The following GRIK1 variants were observed in gnomAD, a reference collection of about 807,000 sequenced individuals.
GRIK1 encodes glutamate ionotropic receptor kainate type subunit 1.
Under a neutral mutation model 105.7 loss-of-function variants are expected in GRIK1, and 69 were observed. The ratio of observed to expected loss-of-function variants is 0.65; its 90% CI spans 0.54 to 0.80. The LOEUF (loss-of-function observed/expected upper bound fraction) is 0.80. Among genes scored for constraint, GRIK1 ranks in the 30% least tolerant of loss-of-function variants. The probability of loss-of-function intolerance (pLI) is 0.00; values close to 1 mark genes in which losing one functional copy is unlikely to be tolerated. For missense variants in GRIK1, 1,109 were observed against 1,167.3 expected (o/e 0.95, Z 0.73); for synonymous variants, 438 against 431.3 (o/e 1.02, Z -0.19).
chr21:29,721,153 C>A (rs1406937117), intron 1 of GRIK1, among the ~76,000 whole-genome samples: 1 of 151,630 alleles, frequency 6.6e-6, no homozygotes, highest in African/African-American at 2.4e-5. Flanking sequence ...TTATTGAGCA[C>A]TCACTTTTCT....
chr21:29,583,797 A>T (rs957745924), intron 12 of GRIK1, among the ~76,000 whole-genome samples: 1 of 152,196 alleles, frequency 6.6e-6, no homozygotes, highest in Admixed American at 6.5e-5. Context: ...TTTATAAGGC[A>T]ATAGACCTAC....
At chr21:29,845,522 A>G (rs1482543474) in intron 1 of GRIK1, among the ~76,000 whole-genome samples, 2 of 152,038 alleles carry the variant, frequency 1.3e-5, no homozygotes, top group Non-Finnish European at 2.9e-5. Flanking sequence ...TTTGTTAATT[A>G]TATTAACTCC....
chr21:29,730,516 G>A (rs957994681), intron 1 of GRIK1, among the ~76,000 whole-genome samples: 1 of 152,152 alleles, frequency 6.6e-6, no homozygotes, highest in African/African-American at 2.4e-5. Context: ...TCAAATAGCC[G>A]ATTACATCAA....
intron 1 of GRIK1, among the ~76,000 whole-genome samples, chr21:29,733,682 G>C (rs57897386): frequency 6.6e-6 from 1 of 151,956 alleles, no homozygotes; most frequent in African/African-American, 2.4e-5. Context: ...AAGTGATGAA[G>C]AAAATGTTTC....
At chr21:29,674,999 G>C (rs370687501) in intron 3 of GRIK1, among the ~76,000 whole-genome samples, 38 of 152,268 alleles carry the variant, frequency 2.5e-4, no homozygotes, top group African/African-American at 8.7e-4. Context: ...CTACTGAGGA[G>C]CATTAAAAAT....
At chr21:29,901,331 A>G (rs184892800) in intron 1 of GRIK1, among the ~76,000 whole-genome samples, 36 of 152,276 alleles carry the variant, frequency 2.4e-4, no homozygotes, top group African/African-American at 6.7e-4. Flanking sequence ...GACACAAAAT[A>G]CCCTTCAAAA....
intron 1 of GRIK1, among the ~76,000 whole-genome samples, chr21:29,790,490 C>T (rs2066384585): frequency 6.6e-6 from 1 of 151,402 alleles, no homozygotes; most frequent in East Asian, 1.9e-4. Flanking sequence ...CAGGGTCTTG[C>T]TGTCACCCAG....
At chr21:29,857,339 CA>C (rs1364409025) in intron 1 of GRIK1, among the ~76,000 whole-genome samples, 1 of 152,224 alleles carries the variant, frequency 6.6e-6, no homozygotes, top group Non-Finnish European at 1.5e-5. Context: ...CATGATTTCA[CA>C]CTGCCTTCCA....
intron 1 of GRIK1, among the ~76,000 whole-genome samples, chr21:29,767,746 A>G (rs1282181312): frequency 1.3e-5 from 2 of 152,052 alleles, no homozygotes; most frequent in South Asian, 2.1e-4. Context: ...TTGAGTCAGA[A>G]GTCCCTACTC....
intron 7 of GRIK1, among the ~76,000 whole-genome samples, chr21:29,613,604 A>G (rs868359812): frequency 9.9e-5 from 15 of 152,186 alleles, no homozygotes; most frequent in African/African-American, 3.4e-4. Context: ...TTATCTATCT[A>G]TCTATCCATC....
At chr21:29,795,153 A>C (rs1243154961) in intron 1 of GRIK1, among the ~76,000 whole-genome samples, 1 of 146,432 alleles carries the variant, frequency 6.8e-6, no homozygotes, top group East Asian at 2.0e-4. Flanking sequence ...GTCCTGCCTC[A>C]GCCTCCTCAG....
intron 13 of GRIK1, 34 bp from the exon 14 acceptor site, chr21:29,577,215 CACAGTCAGAAGGAAAGGGAAGATGT>C: frequency 8.3e-7 from 1 of 1,211,736 alleles, no homozygotes; most frequent in Non-Finnish European, 1.2e-6. Context: ...GGGTGTTAAA[CACAGTCAGAAGGAAAGGGAAGATGT>C]ACAGTTCGAC....
intron 1 of GRIK1, among the ~76,000 whole-genome samples, chr21:29,764,396 G>A (rs1286829071): frequency 1.3e-5 from 2 of 152,232 alleles, no homozygotes; most frequent in East Asian, 3.9e-4. Context: ...ACAGATGCTG[G>A]GACTGTCTCT....
chr21:29,712,472 A>G (rs1304370276), intron 1 of GRIK1, among the ~76,000 whole-genome samples: 1 of 152,080 alleles, frequency 6.6e-6, no homozygotes, highest in African/African-American at 2.4e-5. Flanking sequence ...TGTCTTCTAG[A>G]AATATTGCAT....
chr21:29,701,432 C>T (rs769754287), intron 1 of GRIK1, among the ~76,000 whole-genome samples: 6 of 152,226 alleles, frequency 3.9e-5, no homozygotes, highest in Admixed American at 6.5e-5. Flanking sequence ...CAGCCTGATG[C>T]TATTTTTGAG....
intron 2 of GRIK1, among the ~76,000 whole-genome samples, chr21:29,692,198 A>G (rs193172206): frequency 1.3e-3 from 196 of 152,336 alleles, no homozygotes; most frequent in Non-Finnish European, 1.3e-3. Flanking sequence ...TGTTTAACTG[A>G]CAAGTAAGCC....
At position 29,928,389 on chromosome 21, in the gene GRIK1, G is replaced by A. The variant is rs539370840; in HGVS notation, c.118+10994C>T. Reference sequence around the variant, plus strand: ...CAGCTCCATCTTTCTTCCCCTTCGAGTTGGGAAACCTGGAGTCATGGTAGG... The same window carrying A: ...CAGCTCCATCTTTCTTCCCCTTCGAATTGGGAAACCTGGAGTCATGGTAGG... On this transcript the variant is annotated intron_variant, in intron 1 of 17. Transcript: ENST00000327783. 5.9e-5 allele frequency among the ~76,000 whole-genome samples: 9 copies of A among 152,290 alleles called. 1 individual carries two copies. The South Asian group carries it at 1.7e-3, about 28-fold the overall frequency.
At chr21:29,593,637 G>T (rs1432163866) in intron 9 of GRIK1, among the ~76,000 whole-genome samples, 1 of 152,140 alleles carries the variant, frequency 6.6e-6, no homozygotes, top group Non-Finnish European at 1.5e-5. Context: ...GAGGAGAAGG[G>T]AATCTAATTT....
intron 7 of GRIK1, among the ~76,000 whole-genome samples, chr21:29,611,445 G>C (rs2018636): frequency 0.52 from 78,959 of 152,008 alleles, 23,345 homozygotes; most frequent in African/African-American, 0.81. Context: ...CCATCCAGAT[G>C]GTTCCTTCAT....
Sources: allele counts gnomAD v4.1 joint callset (sites outside exome capture counted in the v4.1 genomes callset), GRCh38; gene constraint gnomAD v4.1.1; transcripts MANE v1.5; gene names NCBI Gene and HGNC (gene_info 2026-07-23, HGNC 2026-07-21).